The following SLC25A27 variants were observed in gnomAD, a reference collection of about 807,000 sequenced individuals.
SLC25A27 encodes mitochondrial uncoupling protein 4.
SLC25A27 carries 35 observed loss-of-function variants against 49.1 expected under a neutral mutation model. The observed-to-expected ratio is 0.71, with a 90% CI of 0.54 to 0.95. The LOEUF is 0.95. Among genes scored for constraint, SLC25A27 ranks in the 40% least tolerant of loss-of-function variants. The pLI is 0.00. For missense variants in SLC25A27, 339 were observed against 397.1 expected, an observed-to-expected ratio of 0.85 and a Z score of 1.24; for synonymous variants, 144 against 136.9, an observed-to-expected ratio of 1.05 and a Z score of -0.36.
chr6:46,653,364 C>T, intron 1 of SLC25A27, 66 bp downstream of exon 1: 2 of 1,510,156 alleles, frequency 1.3e-6, no homozygotes, highest in Non-Finnish European at 1.8e-6. Context: ...GGAGGGTGCG[C>T]GGGCGGCTTC....
intron 2 of SLC25A27, 59 bp downstream of exon 2, chr6:46,656,093 C>T: frequency 7.0e-7 from 1 of 1,420,166 alleles, no homozygotes; most frequent in Non-Finnish European, 9.6e-7. Flanking sequence ...GTCTCCTGTG[C>T]TTTTCTGTTT....
intron 1 of SLC25A27, chr6:46,654,176 C>G (rs981158268): frequency 1.0e-6 from 1 of 966,916 alleles, no homozygotes; most frequent in African/African-American, 1.8e-5. Flanking sequence ...GAAGCCTTAA[C>G]TGTGTATTTT....
intron 7 of SLC25A27, 126 bp downstream of exon 7, chr6:46,670,353 A>T (rs1228215605): frequency 3.0e-6 from 2 of 656,898 alleles, no homozygotes; most frequent in Non-Finnish European, 5.2e-6. Flanking sequence ...AATTGAGCGC[A>T]TTTTTTTTAT....
chr6:46,655,096 G>A (rs1006754546), intron 1 of SLC25A27, among the ~76,000 whole-genome samples: 1 of 152,136 alleles, frequency 6.6e-6, no homozygotes, highest in African/African-American at 2.4e-5. Flanking sequence ...CCAAAATACA[G>A]TTAGTACTTG....
In SLC25A27 at chr6:46,676,746, T is replaced by C. The variant is rs909138886; in HGVS notation, c.*292T>C. ...CCACTTTCACCTTGGGCAAGAAGGTTTGGCCTTTGAGTTGCTATTCTATGC... is the reference window on the plus strand; with the variant it reads ...CCACTTTCACCTTGGGCAAGAAGGTCTGGCCTTTGAGTTGCTATTCTATGC... On this transcript the variant is annotated 3_prime_UTR_variant, in exon 9 of 9. Coordinates refer to ENST00000371347, the MANE Select transcript of SLC25A27 (RefSeq NM_004277.5). The C allele has an allele frequency of 1.0e-5, 15 of 1,496,046 alleles. No individual in the cohort carries two copies. In the African/African-American group the frequency reaches 1.1e-4, roughly 11 times the overall value. The allele number at this position is 1,496,046 out of a possible 1,614,324, so 92.7% of individuals were successfully genotyped here. A position where few individuals can be genotyped will look rare whatever the true frequency, so the allele number is the denominator to read the frequency against.
rs1436789970 is a variant in SLC25A27 at position 46,676,508 on chromosome 6, G to A, written c.*54G>A. 5.0e-6 allele frequency: 8 copies of A among 1,611,406 alleles called. No homozygotes were observed. The highest frequency in any genetic ancestry group is 6.8e-6 in the Non-Finnish European group (8 of 1,178,364). On this transcript the variant is annotated 3_prime_UTR_variant, in exon 9 of 9. Coordinates refer to ENST00000371347, the MANE Select transcript of SLC25A27 (RefSeq NM_004277.5). ...CAGTGTTCAGTATTATTGAAATATG[G>A]GCATCTGCAACACATACCCCCTATT... is the stretch of plus-strand genomic sequence containing the variant.
At chr6:46,671,294 T>C in intron 8 of SLC25A27, 66 bp downstream of exon 8, 1 of 921,382 alleles carries the variant, frequency 1.1e-6, no homozygotes, top group Non-Finnish European at 1.6e-6. Flanking sequence ...TTTATAAGCA[T>C]TTTCCCTTTT....
At chr6:46,671,419 G>C (rs1025602936) in intron 8 of SLC25A27, among the ~76,000 whole-genome samples, 191 bp downstream of exon 8, 4 of 151,876 alleles carry the variant, frequency 2.6e-5, no homozygotes, top group Admixed American at 2.6e-4. Context: ...TTCTGTGGTA[G>C]AGTAAGGTAA....
chr6:46,653,733 C>A (rs111996036), intron 1 of SLC25A27: 1 of 983,426 alleles, frequency 1.0e-6, no homozygotes, highest in Non-Finnish European at 1.2e-6. Context: ...TGTGGGACTT[C>A]CGTTATTAAC....
At chr6:46,662,671 A>C (rs187483370) in intron 4 of SLC25A27, among the ~76,000 whole-genome samples, 173 bp downstream of exon 4, 1 of 152,290 alleles carries the variant, frequency 6.6e-6, no homozygotes, top group East Asian at 1.9e-4. Context: ...TTGCACTAGG[A>C]AGTGTACATG....
chr6:46,658,884 G>C, intron 2 of SLC25A27, 78 bp from the exon 3 acceptor site: 1 of 994,406 alleles, frequency 1.0e-6, no homozygotes, highest in Non-Finnish European at 1.6e-6. Flanking sequence ...ATGTCGGAAT[G>C]TCCTCTTATT....
intron 1 of SLC25A27, chr6:46,654,013 G>A: frequency 2.8e-6 from 2 of 710,572 alleles, no homozygotes; most frequent in Non-Finnish European, 3.5e-6. Flanking sequence ...ATATTATTAG[G>A]TGTCATAAAA....
chr6:46,656,649 C>A (rs992460332), intron 2 of SLC25A27, among the ~76,000 whole-genome samples: 1 of 152,166 alleles, frequency 6.6e-6, no homozygotes, highest in African/African-American at 2.4e-5. Context: ...AAACTCCTGA[C>A]CTCAGGTGAT....
chr6:46,656,858 T>G (rs1312302690), intron 2 of SLC25A27, among the ~76,000 whole-genome samples: 5 of 152,208 alleles, frequency 3.3e-5, no homozygotes, highest in Non-Finnish European at 7.3e-5. Context: ...TTTAAAATAT[T>G]TAATTAAGCA....
intron 3 of SLC25A27, among the ~76,000 whole-genome samples, chr6:46,660,636 C>T (rs965649815): frequency 6.6e-5 from 10 of 151,948 alleles, no homozygotes; most frequent in African/African-American, 2.4e-4. Flanking sequence ...CATAACACAG[C>T]TATTGAAAGC....
chr6:46,663,257 G>A (rs1582504379), intron 4 of SLC25A27, among the ~76,000 whole-genome samples: 1 of 152,220 alleles, frequency 6.6e-6, no homozygotes, highest in East Asian at 1.9e-4. Flanking sequence ...GAGTACAAAG[G>A]GAGCTGCTCC....
chr6:46,665,712 C>T (rs1014686295), intron 5 of SLC25A27, among the ~76,000 whole-genome samples: 1 of 151,988 alleles, frequency 6.6e-6, no homozygotes, highest in African/African-American at 2.4e-5. Context: ...AGTTTTTCCC[C>T]TCCTATACGT....
chr6:46,676,835 A>G lies in SLC25A27; in HGVS notation c.*381A>G. 1 of 677,876 alleles carries G rather than the reference A, an allele frequency of 1.5e-6. No individual in the cohort carries two copies. The highest frequency in any genetic ancestry group is 1.8e-5 in the South Asian group (1 of 56,446). 42.0% of individuals were successfully genotyped at this position (677,876 alleles called of 1,614,324 possible). A position where few individuals can be genotyped will look rare whatever the true frequency, so the allele number is the denominator to read the frequency against. ...CAGCATTTCAGATCTGAAGTAGACGATAGGAATGTGGAAGAACACATACAT... is the reference window on the plus strand; with the variant it reads ...CAGCATTTCAGATCTGAAGTAGACGGTAGGAATGTGGAAGAACACATACAT... On this transcript the variant is annotated 3_prime_UTR_variant, in exon 9 of 9. Transcript: ENST00000371347.
At chr6:46,666,129 A>G (rs1763318752) in intron 5 of SLC25A27, among the ~76,000 whole-genome samples, 2 of 152,160 alleles carry the variant, frequency 1.3e-5, no homozygotes, top group Admixed American at 1.3e-4. Context: ...GTTTTCTTCT[A>G]GAGGTCCTCT....
Sources: gnomAD v4.1 joint callset for allele counts (sites outside exome capture counted in the v4.1 genomes callset) on GRCh38, gnomAD v4.1.1 for gene constraint, MANE v1.5 for transcripts, NCBI Gene and HGNC (gene_info 2026-07-23, HGNC 2026-07-21) for gene names.